Variants in ADGRB3 observed in about 807,000 individuals in gnomAD.
ADGRB3 encodes the protein brain-specific angiogenesis inhibitor 3.
In ADGRB3, 37 loss-of-function variants were observed where a neutral mutation model predicts 193.4. The ratio of observed to expected loss-of-function variants is 0.19; its 90% CI spans 0.15 to 0.25. The LOEUF (loss-of-function observed/expected upper bound fraction) is 0.25, where lower values mean the gene tolerates loss of function less well. ADGRB3 is among the 10% of genes least tolerant of loss of function. The pLI, the probability that ADGRB3 is intolerant of heterozygous loss-of-function variation, is 1.00. For missense variants in ADGRB3, 1,637 were observed against 1,852.9 expected (o/e 0.88, Z 2.14); for synonymous variants, 690 against 644.2 (o/e 1.07, Z -1.08).
intron 17 of ADGRB3, among the ~76,000 whole-genome samples, chr6:69,090,763 A>G (rs942183226): frequency 3.3e-5 from 5 of 152,204 alleles, no homozygotes; most frequent in African/African-American, 1.2e-4. Flanking sequence ...CAGCAAAAGA[A>G]ATAATATCTT....
intron 17 of ADGRB3, among the ~76,000 whole-genome samples, chr6:69,158,311 A>G (rs1463616733): frequency 1.3e-5 from 2 of 152,016 alleles, no homozygotes; most frequent in Non-Finnish European, 2.9e-5. Flanking sequence ...GCATTGGATA[A>G]TTGCATCTTC....
chr6:68,988,093 A>T (rs968154103), intron 10 of ADGRB3, among the ~76,000 whole-genome samples: 1 of 152,168 alleles, frequency 6.6e-6, no homozygotes, highest in Non-Finnish European at 1.5e-5. Context: ...AGTTCAATTC[A>T]GCAAGCCCTT....
At chr6:68,960,312 C>T (rs1443003796) in intron 8 of ADGRB3, among the ~76,000 whole-genome samples, 3 of 152,136 alleles carry the variant, frequency 2.0e-5, no homozygotes, top group Non-Finnish European at 2.9e-5. Context: ...TGAAGTAAGT[C>T]AGCCATATCA....
intron 20 of ADGRB3, among the ~76,000 whole-genome samples, chr6:69,319,376 A>G (rs1020820346): frequency 6.6e-6 from 1 of 151,236 alleles, no homozygotes; most frequent in Non-Finnish European, 1.5e-5. Flanking sequence ...TTCACTTTCT[A>G]TCCTAAGAGG....
At chr6:68,738,498 A>G (rs1010841407) in intron 3 of ADGRB3, among the ~76,000 whole-genome samples, 2 of 152,108 alleles carry the variant, frequency 1.3e-5, no homozygotes, top group African/African-American at 4.8e-5. Context: ...TAGGGGTGAA[A>G]ATGACAGTGG....
At chr6:69,239,088 A>T (rs1561962789) in intron 19 of ADGRB3, 36 bp from the exon 20 acceptor site, 2 of 1,295,638 alleles carry the variant, frequency 1.5e-6, no homozygotes, top group Non-Finnish European at 2.2e-6. Flanking sequence ...TTTCTGTTGG[A>T]TTTTAAAGTT....
chr6:68,781,906 G>C (rs1325925912), intron 3 of ADGRB3, among the ~76,000 whole-genome samples: 2 of 152,060 alleles, frequency 1.3e-5, no homozygotes, highest in Admixed American at 6.6e-5. Flanking sequence ...CGAAAGAAGG[G>C]AAGTGTAGGT....
chr6:68,840,007 T>A lies in ADGRB3; in HGVS notation c.758-90552T>A, dbSNP rs142574834. ...TTGGCAGGTGCCCATAGAAGCAGCA[T>A]TTAGAACAGACCTACCCAGAGGGGA... On this transcript the variant is annotated intron_variant, in intron 3 of 31. Coordinates refer to ENST00000370598, the MANE Select transcript of ADGRB3 (RefSeq NM_001704.3). Among the ~76,000 whole-genome samples the A allele has an allele frequency of 2.3e-3, 344 of 152,238 alleles. 1 individual carries two copies. The highest frequency in any genetic ancestry group is 8.0e-3 in the African/African-American group (332 of 41,546).
At chr6:69,015,942 A>G (rs1012087536) in intron 12 of ADGRB3, among the ~76,000 whole-genome samples, 1 of 151,812 alleles carries the variant, frequency 6.6e-6, no homozygotes, top group African/African-American at 2.4e-5. Context: ...CATTTTAGTC[A>G]TGTATTATGT....
chr6:69,100,107 C>G (rs931707163), intron 17 of ADGRB3, among the ~76,000 whole-genome samples: 8 of 152,194 alleles, frequency 5.3e-5, no homozygotes, highest in Non-Finnish European at 1.2e-4. Context: ...TCCCACTGGT[C>G]TCTCTTTAGA....
intron 3 of ADGRB3, among the ~76,000 whole-genome samples, chr6:68,879,377 T>G (rs9346259): frequency 6.6e-6 from 1 of 151,838 alleles, no homozygotes; most frequent in African/African-American, 2.4e-5. Flanking sequence ...CCACCACGCC[T>G]GGCTAATTTT....
chr6:69,382,807 G>C (rs1328722), intron 30 of ADGRB3, 24 bp from the exon 31 acceptor site: 1 of 1,501,804 alleles, frequency 6.7e-7, no homozygotes, highest in Admixed American at 1.8e-5. Context: ...TTGGGGATGA[G>C]AGCTATCTTG....
chr6:69,153,992 C>CA (rs954562474), intron 17 of ADGRB3, among the ~76,000 whole-genome samples: 31 of 148,932 alleles, frequency 2.1e-4, no homozygotes, highest in African/African-American at 5.9e-4. Flanking sequence ...GACTCTGTCT[C>CA]AAAAAAAAAG....
intron 17 of ADGRB3, among the ~76,000 whole-genome samples, chr6:69,099,546 G>A (rs1772974042): frequency 6.6e-6 from 1 of 152,166 alleles, no homozygotes; most frequent in African/African-American, 2.4e-5. Context: ...AGTGTCCTAG[G>A]GAAGCCTTGG....
At chr6:68,942,901 A>G (rs748288415) in intron 5 of ADGRB3, among the ~76,000 whole-genome samples, 2 of 152,160 alleles carry the variant, frequency 1.3e-5, no homozygotes, top group Non-Finnish European at 2.9e-5. Context: ...ATGAGCCACC[A>G]CGCCCAGCCT....
intron 13 of ADGRB3, among the ~76,000 whole-genome samples, chr6:69,023,444 G>T (rs1376675577): frequency 5.9e-5 from 9 of 152,060 alleles, no homozygotes. Context: ...AAAGAAGAGT[G>T]AATAGCAAAT....
chr6:68,944,230 A>G (rs1224992311), intron 6 of ADGRB3, among the ~76,000 whole-genome samples: 3 of 152,176 alleles, frequency 2.0e-5, no homozygotes, highest in Non-Finnish European at 4.4e-5. Context: ...ACAAATGTGT[A>G]TATTAATATT....
At chr6:68,714,884 A>G (rs920581214) in intron 3 of ADGRB3, among the ~76,000 whole-genome samples, 1 of 151,756 alleles carries the variant, frequency 6.6e-6, no homozygotes, top group South Asian at 2.1e-4. Context: ...ATTAAGTTAC[A>G]GATGAGATTA....
intron 13 of ADGRB3, among the ~76,000 whole-genome samples, chr6:69,031,549 CT>C (rs70987446): frequency 0.014 from 282 of 19,880 alleles, 14 homozygotes; most frequent in East Asian, 0.052. Flanking sequence ...TTCTTTCTTT[CT>C]TTTTCTTTCT....
Sources: gnomAD v4.1 joint callset for allele counts (sites outside exome capture counted in the v4.1 genomes callset) on GRCh38, gnomAD v4.1.1 for gene constraint, MANE v1.5 for transcripts, NCBI Gene and HGNC (gene_info 2026-07-23, HGNC 2026-07-21) for gene names.